The following CDK6 variants were observed in gnomAD, a reference collection of about 807,000 sequenced individuals.
CDK6 encodes the protein cyclin-dependent kinase 6.
In CDK6, 6 loss-of-function variants were observed where a neutral mutation model predicts 37.1. The observed-to-expected ratio is 0.16, with a 90% CI of 0.09 to 0.32. CDK6 has a LOEUF of 0.32. CDK6 is among the 10% of genes least tolerant of loss of function. The pLI is 1.00. For synonymous variants in CDK6, 160 were observed against 161.3 expected (o/e 0.99, Z 0.06); for missense variants, 224 against 418.9 (o/e 0.53, Z 4.06).
intron 5 of CDK6, among the ~76,000 whole-genome samples, chr7:92,652,852 C>A (rs1796606616): frequency 1.3e-5 from 2 of 152,164 alleles, no homozygotes; most frequent in Admixed American, 6.5e-5. Flanking sequence ...TTTTGATATC[C>A]TTCTCAGCTC....
At chr7:92,769,498 A>AT (rs957559091) in intron 3 of CDK6, among the ~76,000 whole-genome samples, 146 of 151,536 alleles carry the variant, frequency 9.6e-4, no homozygotes, top group African/African-American at 3.4e-3. Context: ...TGCATCAAAC[A>AT]TTTTTTTTTA....
chr7:92,641,240 T>C (rs576856608), intron 5 of CDK6, among the ~76,000 whole-genome samples: 2 of 152,328 alleles, frequency 1.3e-5, no homozygotes, highest in South Asian at 4.1e-4. Context: ...TTCCACTCAG[T>C]AGTTTTAGCA....
At chr7:92,668,066 T>C (rs1231935075) in intron 5 of CDK6, among the ~76,000 whole-genome samples, 1 of 152,248 alleles carries the variant, frequency 6.6e-6, no homozygotes, top group Non-Finnish European at 1.5e-5. Context: ...GCAAGCCTTA[T>C]TCATGATAAG....
intron 2 of CDK6, among the ~76,000 whole-genome samples, chr7:92,802,500 A>T (rs1800606158): frequency 6.6e-6 from 1 of 152,178 alleles, no homozygotes; most frequent in Non-Finnish European, 1.5e-5. Context: ...TATTAAGAGA[A>T]TTCTGTCTAC....
At chr7:92,636,505 ACT>A (rs1300085731) in intron 5 of CDK6, among the ~76,000 whole-genome samples, 2 of 152,062 alleles carry the variant, frequency 1.3e-5, no homozygotes, top group Admixed American at 1.3e-4. Context: ...GAGAGGTACA[ACT>A]CTCTGTCATA....
intron 3 of CDK6, among the ~76,000 whole-genome samples, chr7:92,770,319 C>CTTTTTTTT (rs746741500): frequency 1.1e-5 from 1 of 90,942 alleles, no homozygotes; most frequent in Non-Finnish European, 2.3e-5. Flanking sequence ...TCTATGTATG[C>CTTTTTTTT]TTTTTTTTTT....
chr7:92,749,706 T>G (rs1275265890), intron 3 of CDK6, among the ~76,000 whole-genome samples: 1 of 152,240 alleles, frequency 6.6e-6, no homozygotes, highest in Non-Finnish European at 1.5e-5. Context: ...GAAGGCATTC[T>G]GCTGTACTGA....
At chr7:92,824,448 C>T (rs1286152668) in intron 2 of CDK6, among the ~76,000 whole-genome samples, 2 of 152,094 alleles carry the variant, frequency 1.3e-5, no homozygotes, top group Non-Finnish European at 2.9e-5. Context: ...CATCAAGCTC[C>T]CATCAGTTTT....
chr7:92,722,436 A>G (rs1289340897), intron 4 of CDK6, among the ~76,000 whole-genome samples: 1 of 152,192 alleles, frequency 6.6e-6, no homozygotes. Context: ...TATGATAAAA[A>G]CAATACACAG....
intron 3 of CDK6, among the ~76,000 whole-genome samples, chr7:92,734,912 C>T (rs1490048022): frequency 2.0e-5 from 3 of 152,160 alleles, no homozygotes; most frequent in Admixed American, 1.3e-4. Flanking sequence ...CCTATCTTAC[C>T]ATCTCTTTCA....
At chr7:92,823,651 A>T (rs1801235944) in intron 2 of CDK6, among the ~76,000 whole-genome samples, 1 of 152,012 alleles carries the variant, frequency 6.6e-6, no homozygotes, top group Non-Finnish European at 1.5e-5. Context: ...ATAACTTTTT[A>T]AAGTGATTCT....
intron 4 of CDK6, among the ~76,000 whole-genome samples, chr7:92,719,688 T>C (rs563082018): frequency 1.8e-4 from 28 of 152,310 alleles, no homozygotes; most frequent in African/African-American, 6.5e-4. Context: ...GGAAAAATGC[T>C]AACTTCATGA....
intron 2 of CDK6, among the ~76,000 whole-genome samples, chr7:92,783,304 G>C (rs184399383): frequency 2.6e-5 from 4 of 152,298 alleles, no homozygotes; most frequent in Non-Finnish European, 5.9e-5. Context: ...AGTGTGCAAG[G>C]TGTGTTCTCC....
chr7:92,623,105 A>G lies in CDK6; in HGVS notation c.648-19T>C, dbSNP rs1376224678. 5.6e-5 allele frequency: 84 copies of G among 1,487,402 alleles called. No individual in the cohort carries two copies. Among genetic ancestry groups the G allele is most frequent in the Middle Eastern group, 1.7e-4 (1 of 5,812 alleles). 92.1% of individuals were successfully genotyped at this position (1,487,402 alleles called of 1,614,324 possible). A position where few individuals can be genotyped will look rare whatever the true frequency, so the allele number is the denominator to read the frequency against. The stretch of plus-strand genomic sequence containing the variant: ...AAGAGGCCTAAAAGAATAAAGATAC[A>G]TTTTAAATAAGAAATGTTCTCAGAT... On this transcript the variant is annotated intron_variant, in intron 5 of 7. Coordinates refer to ENST00000424848, the MANE Select transcript of CDK6 (RefSeq NM_001145306.2).
chr7:92,826,736 C>T (rs1801324894), intron 2 of CDK6, among the ~76,000 whole-genome samples: 1 of 152,066 alleles, frequency 6.6e-6, no homozygotes. Context: ...CATGTGTATG[C>T]CTTACAGTTA....
At chr7:92,766,980 C>G (rs905038937) in intron 3 of CDK6, among the ~76,000 whole-genome samples, 2 of 152,050 alleles carry the variant, frequency 1.3e-5, no homozygotes, top group Non-Finnish European at 2.9e-5. Context: ...CACTATCAAC[C>G]CCCTGTACCC....
At chr7:92,770,468 T>C (rs1799684967) in intron 3 of CDK6, among the ~76,000 whole-genome samples, 1 of 152,090 alleles carries the variant, frequency 6.6e-6, no homozygotes. Context: ...AAGTCCCACA[T>C]GAGCACCGTG....
chr7:92,620,417 A>G (rs553052287), intron 6 of CDK6, among the ~76,000 whole-genome samples: 1 of 152,304 alleles, frequency 6.6e-6, no homozygotes, highest in Non-Finnish European at 1.5e-5. Flanking sequence ...GAACTGCCAA[A>G]GTCACAGATA....
At position 92,724,827 on chromosome 7, in the gene CDK6, G is replaced by A. The variant is rs1389903830; in HGVS notation, c.537+799C>T. Among the ~76,000 whole-genome samples, 6 of 151,798 alleles carry A rather than the reference G, an allele frequency of 4.0e-5. No homozygotes were observed. The South Asian group carries it at 6.2e-4, about 16-fold the overall frequency. ...ATATTATTTATTTAATTTACTGTAC[G>A]TAAGGCATGAATTTACTGTATGCAA... On this transcript the variant is annotated intron_variant, in intron 4 of 7. Transcript: ENST00000424848.
Sources: gnomAD v4.1 joint callset for allele counts (sites outside exome capture counted in the v4.1 genomes callset) on GRCh38, gnomAD v4.1.1 for gene constraint, MANE v1.5 for transcripts, NCBI Gene and HGNC (gene_info 2026-07-23, HGNC 2026-07-21) for gene names.